The following PLCB2 variants were observed in gnomAD, a reference collection of about 807,000 sequenced individuals.
PLCB2 encodes the protein 1-phosphatidylinositol 4,5-bisphosphate phosphodiesterase beta-2.
Under a neutral mutation model 141.7 loss-of-function variants are expected in PLCB2, and 115 were observed. The observed-to-expected ratio is 0.81, with a 90% confidence interval of 0.70 to 0.95. PLCB2 has a LOEUF of 0.95. Ranked by LOEUF, PLCB2 falls within the 40% of genes least tolerant of loss-of-function variation. The pLI is 0.00. For synonymous variants in PLCB2, 603 were observed against 595.6 expected (o/e 1.01, Z -0.18); for missense variants, 1,403 against 1,541.1 (o/e 0.91, Z 1.50).
At chr15:40,295,534 C>A (rs1595655830) in intron 16 of PLCB2, among the ~76,000 whole-genome samples, 1 of 152,110 alleles carries the variant, frequency 6.6e-6, no homozygotes, top group Admixed American at 6.5e-5. Flanking sequence ...GAGAGTGAGA[C>A]CCACATGCCA....
At position 40,297,608 on chromosome 15, in the gene PLCB2, G is replaced by A. The variant is rs776943961; in HGVS notation, c.1239-3C>T. The A allele has an allele frequency of 2.5e-6, 4 of 1,612,974 alleles. No individual in the cohort carries two copies. In the African/African-American group the frequency reaches 4.0e-5, roughly 16 times the overall value. Reference sequence around the variant, plus strand: ...CCATCTTAGCCTGCTGGCGGGGTCTGCGGGGAGCAAAAGCGGGGATGGGGT... The same window carrying A: ...CCATCTTAGCCTGCTGGCGGGGTCTACGGGGAGCAAAAGCGGGGATGGGGT... On this transcript the variant is annotated splice_polypyrimidine_tract_variant and splice_region_variant and intron_variant, in intron 12 of 31. Transcript: ENST00000260402. The surrounding 1 kb of genome is among the most constrained non-coding windows in gnomAD (Gnocchi z 4.2).
rs1566869549 is a variant in PLCB2 at position 40,289,957 on chromosome 15, GAGAGAGA to G, written c.3267+61_3267+67del. ...AGAGAGAGAGAGAGAGAGAGAGAGA[GAGAGAGA>G]GAGAGTGTGTGTGTGTGTGTGTGTG... On this transcript the variant is annotated intron_variant, in intron 30 of 31. Transcript: ENST00000260402. 1.9e-4 allele frequency: 146 copies of G among 766,696 alleles called. No homozygotes were observed. The African/African-American group carries it at 2.2e-3, about 12-fold the overall frequency. The allele number at this position is 766,696 out of a possible 1,614,324, so 47.5% of individuals were successfully genotyped here.
chr15:40,294,719 C>T (rs1231643365), intron 18 of PLCB2, among the ~76,000 whole-genome samples: 1 of 152,172 alleles, frequency 6.6e-6, no homozygotes, highest in Non-Finnish European at 1.5e-5. Context: ...AGAACCCACG[C>T]CGGCAGCCTG....
chr15:40,303,213 G>C (rs1869902), intron 3 of PLCB2, 75 bp downstream of exon 3: 1,034,981 of 1,109,100 alleles, frequency 0.93, 483,658 homozygotes, highest in East Asian at 0.99. Flanking sequence ...CTTCCCACCC[G>C]CACAGGGACC....
intron 21 of PLCB2, 126 bp from the exon 22 acceptor site, chr15:40,292,569 G>C (rs146210807): frequency 1.6e-6 from 1 of 608,282 alleles, no homozygotes; most frequent in Non-Finnish European, 2.9e-6. Flanking sequence ...CTTCAGCCAG[G>C]TTACTTTAAC....
rs1266705271 is a variant in PLCB2 at position 40,291,484 on chromosome 15, G to A, written c.2651C>T (p.Pro884Leu). The change falls in exon 26 of 32, where the codon CCG becomes CTG. Residue 884 changes from proline to leucine, a missense_variant. Physicochemically the swap from Pro to Leu is moderately conservative, Grantham distance 98 (BLOSUM62 -3). This residue lies in a region of PLCB2 where 290 missense variants were observed against 245.9 expected (regional missense o/e 1.18). Coordinates refer to ENST00000260402, the MANE Select transcript of PLCB2 (RefSeq NM_004573.3). ...REEAMKEAAE[P>L]RTASLEELRE... ...GAGCTCCTCCAGGCTGGCGGTCCGC[G>A]GCTCTGCGGAGGCCCGGGTGAGGCG... 4.4e-6 allele frequency: 7 copies of A among 1,581,460 alleles called. No individual in the cohort carries two copies. Among genetic ancestry groups the A allele is most frequent in the Admixed American group, 1.7e-5 (1 of 57,436 alleles).
rs767046620 is a variant in PLCB2 at position 40,303,371 on chromosome 15, C to A, written c.163-15G>T. On this transcript the variant is annotated splice_polypyrimidine_tract_variant and intron_variant, in intron 2 of 31. Transcript: ENST00000260402. ...AACTCCATCTCCTGGGGGCAGGGTG[C>A]GGATCCCGGTGGGAGCAAAGAAGGG... 6 of 1,600,412 alleles carry A rather than the reference C, an allele frequency of 3.7e-6. No individual in the cohort carries two copies. The Admixed American group carries it at 1.0e-4, about 27-fold the overall frequency.
chr15:40,304,179 C>T, intron 1 of PLCB2, 101 bp from the exon 2 acceptor site: 1 of 754,076 alleles, frequency 1.3e-6, no homozygotes, highest in Non-Finnish European at 2.3e-6. Context: ...CAGGAGGTGC[C>T]CATCCCAGAA....
chr15:40,297,664 T>C lies in PLCB2; in HGVS notation c.1239-59A>G, dbSNP rs2040295008. Reference sequence around the variant, plus strand: ...CGCTCAGCACCAACCCTATTATGCATCCTTTTGTGCCCTTGATGACCCAGA... The same window carrying C: ...CGCTCAGCACCAACCCTATTATGCACCCTTTTGTGCCCTTGATGACCCAGA... On this transcript the variant is annotated intron_variant, in intron 12 of 31. Transcript: ENST00000260402. The surrounding 1 kb of genome is among the most constrained non-coding windows in gnomAD (Gnocchi z 4.2). 2.1e-6 allele frequency: 3 copies of C among 1,419,100 alleles called. No homozygotes were observed. Among genetic ancestry groups the C allele is most frequent in the Admixed American group, 3.4e-5 (2 of 58,300 alleles). The allele number at this position is 1,419,100 out of a possible 1,614,324, so 87.9% of individuals were successfully genotyped here.
chr15:40,302,346 A>C lies in PLCB2; in HGVS notation c.376T>G (p.Trp126Gly). ...VSYKENVGKA[W>G]AEDVLALVKH... ...ACTAGGGCCAGTACGTCCTCAGCCC[A>C]GGCCTGCAGGACCACAGAGAGCAGC... The change falls in exon 5 of 32, where the codon TGG becomes GGG. Residue 126 changes from tryptophan (W) to glycine (G), a missense_variant. This residue lies in a region of PLCB2 where 975 missense variants were observed against 1,141.1 expected (regional missense o/e 0.85). Transcript: ENST00000260402. 1 of 1,613,974 alleles carries C rather than the reference A, an allele frequency of 6.2e-7. No individual in the cohort carries two copies. The highest frequency in any genetic ancestry group is 8.5e-7 in the Non-Finnish European group (1 of 1,179,960).
chr15:40,303,425 T>A, intron 2 of PLCB2, 69 bp from the exon 3 acceptor site: 2 of 1,132,526 alleles, frequency 1.8e-6, no homozygotes, highest in Non-Finnish European at 2.7e-6. Context: ...AGGTCAAGAA[T>A]GAGCAATAGG....
rs1218064570 is a variant in PLCB2 at position 40,296,506 on chromosome 15, G to C, written c.1599+16C>G. The C allele has an allele frequency of 6.2e-7, 1 of 1,613,784 alleles. No homozygotes were observed. Among genetic ancestry groups the C allele is most frequent in the South Asian group, 1.1e-5 (1 of 91,058 alleles). On this transcript the variant is annotated intron_variant, in intron 15 of 31. Coordinates refer to ENST00000260402, the MANE Select transcript of PLCB2 (RefSeq NM_004573.3). The stretch of plus-strand genomic sequence containing the variant: ...TGGAGGATGACACAGAGGGGCCTGG[G>C]GCTACCCCCACACACCTCATCCGAC...
chr15:40,304,549 C>T (rs1429408876), intron 1 of PLCB2, among the ~76,000 whole-genome samples: 2 of 152,142 alleles, frequency 1.3e-5, no homozygotes, highest in Non-Finnish European at 2.9e-5. Flanking sequence ...ACCTCCAAAC[C>T]TAAGTGCCCA....
intron 24 of PLCB2, 33 bp downstream of exon 24, chr15:40,291,816 G>GCC: frequency 6.2e-7 from 1 of 1,613,858 alleles, no homozygotes; most frequent in African/African-American, 1.3e-5. Context: ...AGGTGGAGGT[G>GCC]CCCCCAGTAG....
rs2040277654 is a variant in PLCB2, at chr15:40,297,399, C to T, written c.1323+122G>A. ...ACACGGAAGGTGACAGGATCCCAGA[C>T]CCGCATCTAACCAAGTGAACCCTAG... On this transcript the variant is annotated intron_variant, in intron 13 of 31. Coordinates refer to ENST00000260402, the MANE Select transcript of PLCB2 (RefSeq NM_004573.3). The surrounding 1 kb of genome is among the most constrained non-coding windows in gnomAD (Gnocchi z 4.2). 2 of 765,696 alleles carry T rather than the reference C, an allele frequency of 2.6e-6. No homozygotes were observed. The highest frequency in any genetic ancestry group is 5.3e-5 in the East Asian group (2 of 37,936). The allele number at this position is 765,696 out of a possible 1,614,324, so 47.4% of individuals were successfully genotyped here.
At chr15:40,289,656 T>G in intron 30 of PLCB2, 1 of 519,110 alleles carries the variant, frequency 1.9e-6, no homozygotes, top group African/African-American at 1.9e-5. Flanking sequence ...CCATTATTCC[T>G]TGGCACCTCA....
intron 18 of PLCB2, 41 bp downstream of exon 18, chr15:40,294,895 G>A: frequency 1.9e-6 from 3 of 1,613,462 alleles, no homozygotes; most frequent in Non-Finnish European, 2.5e-6. Flanking sequence ...GGGGGCGCAG[G>A]GACCAGGGAA....
chr15:40,289,226 G>A lies in PLCB2; in HGVS notation c.3354+46C>T, dbSNP rs73391374. 1,786 of 1,520,878 alleles carry A rather than the reference G, an allele frequency of 1.2e-3. 17 individuals carry two copies. In the African/African-American group the frequency reaches 0.02, roughly 17 times the overall value. The allele number at this position is 1,520,878 out of a possible 1,614,324, so 94.2% of individuals were successfully genotyped here. On this transcript the variant is annotated intron_variant, in intron 31 of 31. Coordinates refer to ENST00000260402, the MANE Select transcript of PLCB2 (RefSeq NM_004573.3). ...CTGGGGCAAGGCCCCTTTACAACCC[G>A]GAACCCATTCAGTTCTGCTGGGGGT...
chr15:40,291,978 C>G, intron 23 of PLCB2, 54 bp from the exon 24 acceptor site: 5 of 1,602,932 alleles, frequency 3.1e-6, no homozygotes, highest in Non-Finnish European at 4.3e-6. Flanking sequence ...TCTCCCCGAG[C>G]CTGGGACTCG....
Sources: allele counts gnomAD v4.1 joint callset (sites outside exome capture counted in the v4.1 genomes callset), GRCh38; gene constraint gnomAD v4.1.1; regional missense constraint gnomAD v4.1.1; non-coding constraint Gnocchi (gnomAD v3.1); transcripts MANE v1.5; gene names NCBI Gene and HGNC (gene_info 2026-07-23, HGNC 2026-07-21).